DOP1B: variants seen among roughly 807,000 people sequenced by gnomAD.
The protein encoded by DOP1B is protein DOP1B.
DOP1B carries 174 observed loss-of-function variants against 233.5 expected under a neutral mutation model. The observed-to-expected ratio is 0.75, with a 90% CI of 0.66 to 0.85. The LOEUF (loss-of-function observed/expected upper bound fraction) is 0.85, where lower values mean the gene tolerates loss of function less well. Ranked by LOEUF, DOP1B falls within the 40% of genes least tolerant of loss-of-function variation. The pLI is 0.00. For missense variants in DOP1B, 2,652 were observed against 2,846.6 expected (o/e 0.93, Z 1.56); for synonymous variants, 1,190 against 1,185.6 (o/e 1.00, Z -0.08).
At chr21:36,265,638 G>A (rs143854729) in intron 26 of DOP1B, among the ~76,000 whole-genome samples, 75 of 152,196 alleles carry the variant, frequency 4.9e-4, no homozygotes, top group Middle Eastern at 3.4e-3. Context: ...CATTCCCTCC[G>A]TTGTTGCAGC....
intron 21 of DOP1B, among the ~76,000 whole-genome samples, chr21:36,249,842 G>T (rs915107944): frequency 7.2e-5 from 11 of 152,186 alleles, no homozygotes; most frequent in African/African-American, 2.7e-4. Flanking sequence ...ACGGTGCGTT[G>T]TTGGCCTCCA....
intron 23 of DOP1B, among the ~76,000 whole-genome samples, chr21:36,258,972 G>GTT (rs551334908): frequency 6.8e-4 from 79 of 116,018 alleles, no homozygotes; most frequent in East Asian, 1.0e-3. Context: ...GCCTTTCACT[G>GTT]TTTTTTTTTT....
In DOP1B at chr21:36,245,626, G is replaced by A; in HGVS notation, c.3646G>A (p.Glu1216Lys). Reference sequence around the variant, plus strand: ...ATCCAGGCTGCTAAAGCAGCAGCGGGAAAGGCAGGAGGCCGTCGAGGCCTT... The same window carrying A: ...ATCCAGGCTGCTAAAGCAGCAGCGGAAAAGGCAGGAGGCCGTCGAGGCCTT... Reference protein sequence around the residue: ...TTSRLLKQQRERQEAVEALFK... With the variant: ...TTSRLLKQQRKRQEAVEALFK... The change falls in exon 19 of 37, where the codon GAA becomes AAA. Residue 1216 changes from glutamate to lysine, a missense_variant. Around this residue, in one of 3 missense-constraint regions of DOP1B, gnomAD observed 2,617 missense variants for 2,794.3 expected, o/e 0.94. Coordinates refer to ENST00000691173, the MANE Select transcript of DOP1B (RefSeq NM_001320714.2). This position sits in a 1 kb window ranked among gnomAD's most constrained non-coding sequence, Gnocchi z 5.5. 1.2e-6 allele frequency: 2 copies of A among 1,613,486 alleles called. No homozygotes were observed. Among genetic ancestry groups the A allele is most frequent in the Non-Finnish European group, 8.5e-7 (1 of 1,179,966 alleles).
chr21:36,285,328 G>A (rs2067469654), intron 32 of DOP1B, among the ~76,000 whole-genome samples: 1 of 152,156 alleles, frequency 6.6e-6, no homozygotes, highest in Non-Finnish European at 1.5e-5. Flanking sequence ...CCAAAGTGCT[G>A]GGATTACAGG....
chr21:36,163,244 T>C (rs1332301587), intron 1 of DOP1B, among the ~76,000 whole-genome samples: 1 of 149,820 alleles, frequency 6.7e-6, no homozygotes, highest in Non-Finnish European at 1.5e-5. Flanking sequence ...TTTGGGAGGC[T>C]GAGGCAGGAG....
At chr21:36,172,860 T>C (rs1292531613) in intron 2 of DOP1B, among the ~76,000 whole-genome samples, 1 of 152,160 alleles carries the variant, frequency 6.6e-6, no homozygotes, top group African/African-American at 2.4e-5. Context: ...AGCTCACCCC[T>C]GTAATCCCAG....
intron 2 of DOP1B, among the ~76,000 whole-genome samples, chr21:36,172,988 C>T (rs1056601012): frequency 5.3e-5 from 8 of 151,914 alleles, no homozygotes; most frequent in Non-Finnish European, 1.2e-4. Context: ...GGCATCGTGG[C>T]GAATGCCTGT....
intron 24 of DOP1B, chr21:36,261,853 G>A (rs192176953): frequency 5.0e-5 from 31 of 625,436 alleles, no homozygotes; most frequent in Middle Eastern, 1.6e-3. Flanking sequence ...AGAGGTTGCA[G>A]TGAGCTGAGA....
In DOP1B at chr21:36,281,568, T is replaced by G; in HGVS notation, c.6117T>G (p.Ser2039Arg). ...LLKRQAFAVF[S>R]GELDQYHLYL... is the part of the protein sequence containing the mutation. ...AGCGCCAGGCTTTTGCTGTCTTCAG[T>G]GGAGAACTTGATCAATACCACCTTT... is the stretch of plus-strand genomic sequence containing the variant. The change falls in exon 32 of 37, where the codon AGT becomes AGG. Residue 2039 changes from serine (S) to arginine (R), a missense_variant. Physicochemically the swap from Ser to Arg is moderately radical, Grantham distance 110. Transcript: ENST00000691173. 1.2e-6 allele frequency: 2 copies of G among 1,609,032 alleles called. No individual in the cohort carries two copies. The highest frequency in any genetic ancestry group is 1.7e-6 in the Non-Finnish European group (2 of 1,175,790).
At chr21:36,239,361 C>G (rs1164148682) in intron 17 of DOP1B, among the ~76,000 whole-genome samples, 1 of 152,158 alleles carries the variant, frequency 6.6e-6, no homozygotes, top group Non-Finnish European at 1.5e-5. Context: ...GGTGTGTGTG[C>G]TTGTCCCATC....
intron 18 of DOP1B, among the ~76,000 whole-genome samples, chr21:36,243,453 C>T (rs1242114031): frequency 1.3e-5 from 2 of 149,460 alleles, no homozygotes; most frequent in Non-Finnish European, 3.0e-5. Context: ...AAGTGTCATA[C>T]GTTTTCTGAT....
intron 36 of DOP1B, 23 bp downstream of exon 36, chr21:36,292,256 C>A: frequency 2.2e-6 from 3 of 1,334,822 alleles, no homozygotes; most frequent in Non-Finnish European, 3.0e-6. Context: ...CTTTTCTTTT[C>A]TTTTTTTTTT....
chr21:36,247,685 G>T, intron 20 of DOP1B, 57 bp downstream of exon 20: 1 of 1,285,046 alleles, frequency 7.8e-7, no homozygotes, highest in South Asian at 1.3e-5. Context: ...TTTGTCTTTG[G>T]GCTATGACTG....
intron 9 of DOP1B, among the ~76,000 whole-genome samples, chr21:36,217,002 G>A (rs1380653035): frequency 6.6e-6 from 1 of 151,664 alleles, no homozygotes; most frequent in Admixed American, 6.6e-5. Flanking sequence ...TTGAATCTGG[G>A]AGGCAGAGGT....
chr21:36,254,332 C>T (rs1352637577), intron 23 of DOP1B, among the ~76,000 whole-genome samples: 3 of 151,600 alleles, frequency 2.0e-5, no homozygotes, highest in Admixed American at 6.6e-5. Context: ...ATAACCACTG[C>T]GGTAAGGGAA....
intron 2 of DOP1B, among the ~76,000 whole-genome samples, chr21:36,176,017 G>A (rs1295087766): frequency 6.6e-6 from 1 of 151,740 alleles, no homozygotes; most frequent in Non-Finnish European, 1.5e-5. Context: ...CCTTGTGGAG[G>A]AACAGAGGAA....
chr21:36,251,203 G>T lies in DOP1B; in HGVS notation c.5040G>T (p.Thr1680=). ...TTTTAGACTTCTTAAACCCCTTGAC[G>T]GCCCATCTTGGGGTTCAGTTGACAG... ...QKILDFLNPL[T]AHLGVQLTAA... Residue 1680 remains threonine (T), a synonymous_variant, in exon 22 of 37, where the codon ACG becomes ACT. Coordinates refer to ENST00000691173, the MANE Select transcript of DOP1B (RefSeq NM_001320714.2). 6.2e-7 allele frequency: 1 copy of T among 1,613,920 alleles called. No individual in the cohort carries two copies. The highest frequency in any genetic ancestry group is 8.5e-7 in the Non-Finnish European group (1 of 1,179,994).
intron 26 of DOP1B, among the ~76,000 whole-genome samples, chr21:36,265,311 G>T (rs756076736): frequency 6.6e-6 from 1 of 152,082 alleles, no homozygotes; most frequent in South Asian, 2.1e-4. Context: ...CAGGAGAATC[G>T]CTTGAACCTG....
At chr21:36,287,794 C>T (rs977305389) in intron 32 of DOP1B, among the ~76,000 whole-genome samples, 7 of 151,814 alleles carry the variant, frequency 4.6e-5, no homozygotes, top group Admixed American at 1.3e-4. Flanking sequence ...ACCATATTGG[C>T]CAGGCTGGCC....
Sources: allele counts gnomAD v4.1 joint callset (sites outside exome capture counted in the v4.1 genomes callset), GRCh38; gene constraint gnomAD v4.1.1; regional missense constraint gnomAD v4.1.1; non-coding constraint Gnocchi (gnomAD v3.1); transcripts MANE v1.5; gene names NCBI Gene and HGNC (gene_info 2026-07-23, HGNC 2026-07-21).